The following SDHAF2 variants were observed in gnomAD, a reference collection of about 807,000 sequenced individuals.
The protein encoded by SDHAF2 is succinate dehydrogenase assembly factor 2, mitochondrial.
A neutral mutation model predicts 18.5 loss-of-function variants in SDHAF2; 21 were observed. That is an observed-to-expected ratio of 1.13 (90% confidence interval 0.80 to 1.63). SDHAF2 has a LOEUF of 1.63. Among genes scored for constraint, SDHAF2 ranks in the 40% most tolerant of loss-of-function variants. SDHAF2 has a pLI of 0.00. For synonymous variants in SDHAF2, 84 were observed against 70.7 expected, an observed-to-expected ratio of 1.19 and a Z score of -0.94; for missense variants, 195 against 200.3, an observed-to-expected ratio of 0.97 and a Z score of 0.16.
intron 3 of SDHAF2, chr11:61,438,380 A>G (rs1862023026): frequency 1.8e-5 from 10 of 560,734 alleles, no homozygotes; most frequent in Non-Finnish European, 1.3e-5. Flanking sequence ...TATATTTTTA[A>G]TAGAGACAGG....
intron 1 of SDHAF2, chr11:61,436,764 A>G (rs1177620038): frequency 1.5e-6 from 1 of 656,856 alleles, no homozygotes; most frequent in African/African-American, 1.9e-5. Flanking sequence ...CTCACAGGGA[A>G]TTGGTTTGTT....
chr11:61,437,574 G>A lies in SDHAF2; in HGVS notation c.37-51G>A, dbSNP rs1479732489. On this transcript the variant is annotated intron_variant, in intron 1 of 3. Coordinates refer to ENST00000301761, the MANE Select transcript of SDHAF2 (RefSeq NM_017841.4). ...CCTAGTAAGCATTGAGTAAATGATA[G>A]CGATGATAGTCGTCATTATTGTAAA... is the stretch of plus-strand genomic sequence containing the variant. 4 of 1,441,202 alleles carry A rather than the reference G, an allele frequency of 2.8e-6. No individual in the cohort carries two copies. In the African/African-American group the frequency reaches 5.6e-5, roughly 20 times the overall value. 89.3% of individuals were successfully genotyped at this position (1,441,202 alleles called of 1,614,324 possible). A position where few individuals can be genotyped will look rare whatever the true frequency, so the allele number is the denominator to read the frequency against.
chr11:61,438,433 A>G (rs1343280612), intron 3 of SDHAF2: 2 of 406,908 alleles, frequency 4.9e-6, no homozygotes, highest in East Asian at 8.2e-5. Context: ...TCCTGACCTC[A>G]GGTGATCCGC....
chr11:61,442,544 T>G (rs1862080939), intron 3 of SDHAF2, among the ~76,000 whole-genome samples: 1 of 152,228 alleles, frequency 6.6e-6, no homozygotes, highest in African/African-American at 2.4e-5. Context: ...TTATTTGATA[T>G]TTATATATGT....
intron 1 of SDHAF2, among the ~76,000 whole-genome samples, chr11:61,437,339 G>T (rs1436755833): frequency 6.6e-6 from 1 of 151,994 alleles, no homozygotes; most frequent in Non-Finnish European, 1.5e-5. Flanking sequence ...CAGGCACCAT[G>T]GTGGGACTAC....
At chr11:61,436,675 C>T in intron 1 of SDHAF2, 2 of 375,022 alleles carry the variant, frequency 5.3e-6, no homozygotes, top group South Asian at 4.0e-5. Flanking sequence ...ATGAGTGCTA[C>T]AAATTTTTCT....
At chr11:61,442,964 A>G (rs1223304939) in intron 3 of SDHAF2, among the ~76,000 whole-genome samples, 4 of 152,218 alleles carry the variant, frequency 2.6e-5, no homozygotes, top group Non-Finnish European at 5.9e-5. Flanking sequence ...CATGTTGGCC[A>G]GGCTGGGCTT....
At chr11:61,437,146 T>A (rs1299883320) in intron 1 of SDHAF2, among the ~76,000 whole-genome samples, 1 of 152,220 alleles carries the variant, frequency 6.6e-6, no homozygotes, top group Non-Finnish European at 1.5e-5. Flanking sequence ...TGAACCTTCC[T>A]GAGCCTCTGT....
At chr11:61,430,321 C>T (rs746135447) in intron 1 of SDHAF2, 139 bp downstream of exon 1, 2 of 1,011,694 alleles carry the variant, frequency 2.0e-6, no homozygotes, top group African/African-American at 3.2e-5. Flanking sequence ...AGAGGCCGAT[C>T]CTGCAACTCA....
Position 61,446,274 on chromosome 11 carries a change from C to T in SDHAF2, c.*203C>T. On this transcript the variant is annotated 3_prime_UTR_variant, in exon 4 of 4. Coordinates refer to ENST00000301761, the MANE Select transcript of SDHAF2 (RefSeq NM_017841.4). ...CTCATTCTCATACTTTTTTGTTCAG[C>T]TCTGAGCCTCAAAAGTGATTTGTCA... The T allele has an allele frequency of 1.5e-6, 1 of 645,326 alleles. No homozygotes were observed. Among genetic ancestry groups the T allele is most frequent in the East Asian group, 2.7e-5 (1 of 36,616 alleles). 40.0% of individuals were successfully genotyped at this position (645,326 alleles called of 1,614,324 possible).
At chr11:61,439,046 A>C (rs572726015) in intron 3 of SDHAF2, among the ~76,000 whole-genome samples, 7 of 152,140 alleles carry the variant, frequency 4.6e-5, no homozygotes, top group Non-Finnish European at 8.8e-5. Flanking sequence ...TATGTCTCAA[A>C]AAAAAAAAAG....
chr11:61,432,642 C>A (rs1190914917), intron 1 of SDHAF2: 3 of 151,904 alleles, frequency 2.0e-5, no homozygotes, highest in Non-Finnish European at 4.4e-5. Flanking sequence ...CTCTGTCTTA[C>A]AACCTTTTTG....
At chr11:61,438,139 T>G in intron 3 of SDHAF2, 26 bp downstream of exon 3, 1 of 1,529,764 alleles carries the variant, frequency 6.5e-7, no homozygotes, top group Non-Finnish European at 9.1e-7. Flanking sequence ...AGCAGCATAA[T>G]GTGAAAATAG....
chr11:61,443,802 TCTCA>T, intron 3 of SDHAF2, among the ~76,000 whole-genome samples: 1 of 149,386 alleles, frequency 6.7e-6, no homozygotes, highest in East Asian at 2.0e-4. Flanking sequence ...TGAGACGGAG[TCTCA>T]CTCTGTCACC....
At position 61,446,405 on chromosome 11, in the gene SDHAF2, A is replaced by G; in HGVS notation, c.*334A>G. 5.2e-6 allele frequency: 3 copies of G among 581,954 alleles called. No individual in the cohort carries two copies. The highest frequency in any genetic ancestry group is 9.1e-6 in the Non-Finnish European group (3 of 328,592). The allele number at this position is 581,954 out of a possible 1,614,324, so 36.0% of individuals were successfully genotyped here. On this transcript the variant is annotated 3_prime_UTR_variant, in exon 4 of 4. Coordinates refer to ENST00000301761, the MANE Select transcript of SDHAF2 (RefSeq NM_017841.4). ...TTGTGCTTGCTCATTGCCTCAGCCC[A>G]AGTGTACTCAAAGAAAAGAGGCAGC...
Position 61,438,135 on chromosome 11 carries a change from A to G in SDHAF2, c.370+22A>G, listed in dbSNP as rs780477961. The G allele has an allele frequency of 1.8e-4, 283 of 1,548,322 alleles. No individual in the cohort carries two copies. Among genetic ancestry groups the G allele is most frequent in the Non-Finnish European group, 2.5e-4 (276 of 1,120,064 alleles). ...ACAGGTACTGGGTATGATAAGCAGC[A>G]TAATGTGAAAATAGGACAGTTTAGG... On this transcript the variant is annotated intron_variant, in intron 3 of 3. Coordinates refer to ENST00000301761, the MANE Select transcript of SDHAF2 (RefSeq NM_017841.4).
At chr11:61,439,467 T>A (rs1862037799) in intron 3 of SDHAF2, among the ~76,000 whole-genome samples, 4 of 152,264 alleles carry the variant, frequency 2.6e-5, no homozygotes, top group Admixed American at 2.6e-4. Context: ...TATAGTCTAT[T>A]CCATCTGCCC....
At position 61,446,197 on chromosome 11, in the gene SDHAF2, A is replaced by G. The variant is rs752753055; in HGVS notation, c.*126A>G. 6.9e-6 allele frequency: 7 copies of G among 1,007,576 alleles called. No homozygotes were observed. In the Admixed American group the frequency reaches 1.2e-4, roughly 17 times the overall value. 62.4% of individuals were successfully genotyped at this position (1,007,576 alleles called of 1,614,324 possible). A position where few individuals can be genotyped will look rare whatever the true frequency, so the allele number is the denominator to read the frequency against. The stretch of plus-strand genomic sequence containing the variant: ...TACCCCAGACCACTGGTCCTGCCTC[A>G]AGTGATGGACATAACCCTCTCCTAG... On this transcript the variant is annotated 3_prime_UTR_variant, in exon 4 of 4. Coordinates refer to ENST00000301761, the MANE Select transcript of SDHAF2 (RefSeq NM_017841.4).
rs183070285 is a variant in SDHAF2 at position 61,444,839 on chromosome 11, A to G, written c.371-1102A>G. Among the ~76,000 whole-genome samples, 204 of 152,320 alleles carry G rather than the reference A, an allele frequency of 1.3e-3. 1 individual carries two copies. The highest frequency in any genetic ancestry group is 2.3e-3 in the Admixed American group (35 of 15,296). ...GTGCCTGCCACAGGTGAGCAAGTGCATGGCTCTCGTTTCTCCTTTGAAGGG... is the reference window on the plus strand; with the variant it reads ...GTGCCTGCCACAGGTGAGCAAGTGCGTGGCTCTCGTTTCTCCTTTGAAGGG... On this transcript the variant is annotated intron_variant, in intron 3 of 3. Transcript: ENST00000301761.
Sources: gnomAD v4.1 joint callset for allele counts (sites outside exome capture counted in the v4.1 genomes callset) on GRCh38, gnomAD v4.1.1 for gene constraint, MANE v1.5 for transcripts, NCBI Gene and HGNC (gene_info 2026-07-23, HGNC 2026-07-21) for gene names.